The following PARD3B variants were observed in gnomAD, a reference collection of about 807,000 sequenced individuals.
The protein encoded by PARD3B is par-3 family cell polarity regulator beta.
Under a neutral mutation model 130.2 loss-of-function variants are expected in PARD3B, and 103 were observed. The ratio of observed to expected loss-of-function variants is 0.79; its 90% CI spans 0.67 to 0.93. The LOEUF is 0.93. Ranked by LOEUF, PARD3B falls within the 40% of genes least tolerant of loss-of-function variation. The pLI, the probability that PARD3B is intolerant of heterozygous loss-of-function variation, is 0.00. For missense variants in PARD3B, 1,609 were observed against 1,499.2 expected (o/e 1.07, Z -1.21); for synonymous variants, 583 against 553.2 (o/e 1.05, Z -0.76).
chr2:204,721,159 T>A (rs1031102174), intron 2 of PARD3B, among the ~76,000 whole-genome samples: 4 of 152,192 alleles, frequency 2.6e-5, no homozygotes, highest in Non-Finnish European at 5.9e-5. Flanking sequence ...TTGGTTTTAT[T>A]ACCAAAAAGA....
intron 1 of PARD3B, among the ~76,000 whole-genome samples, chr2:204,638,408 T>C (rs1402489111): frequency 6.6e-6 from 1 of 152,200 alleles, no homozygotes; most frequent in Non-Finnish European, 1.5e-5. Context: ...CATGTGCAGT[T>C]AAAGAACTGG....
In PARD3B at chr2:205,176,564, A is replaced by C; in HGVS notation, c.1911A>C (p.Gln637His). ...ILHPLGTCSP[Q>H]DKQKGLLLPN... ...ATCCACTTGGCACTTGCAGTCCACA[A>C]GACAAACAGAAAGGTAAGAGTCTAT... Residue 637 changes from glutamine to histidine, a missense_variant, in exon 13 of 23, where the codon CAA becomes CAC. By Grantham distance (24) the Gln-to-His change is conservative. Coordinates refer to ENST00000406610, the MANE Select transcript of PARD3B (RefSeq NM_001302769.2). The surrounding 1 kb of genome is among the most constrained non-coding windows in gnomAD (Gnocchi z 5.3). 6.2e-7 allele frequency: 1 copy of C among 1,610,008 alleles called. No individual in the cohort carries two copies. Among genetic ancestry groups the C allele is most frequent in the Non-Finnish European group, 8.5e-7 (1 of 1,178,220 alleles).
At chr2:204,635,552 T>G (rs2034846729) in intron 1 of PARD3B, among the ~76,000 whole-genome samples, 1 of 152,156 alleles carries the variant, frequency 6.6e-6, no homozygotes, top group African/African-American at 2.4e-5. Flanking sequence ...TTAAGAGAGG[T>G]AGAGCACTGT....
intron 2 of PARD3B, among the ~76,000 whole-genome samples, chr2:204,730,682 A>G (rs146007922): frequency 5.5e-4 from 84 of 152,282 alleles, no homozygotes; most frequent in African/African-American, 1.7e-3. Flanking sequence ...AAAGGATGCA[A>G]TCGCTGTATT....
chr2:204,631,312 C>T (rs144994528), intron 1 of PARD3B, among the ~76,000 whole-genome samples: 1,884 of 151,410 alleles, frequency 0.012, 42 homozygotes, highest in African/African-American at 0.043. Flanking sequence ...TGCAGTGGCA[C>T]GATCTCAGCT....
intron 18 of PARD3B, among the ~76,000 whole-genome samples, chr2:205,357,827 A>G (rs1347693047): frequency 6.6e-6 from 1 of 152,240 alleles, no homozygotes; most frequent in Non-Finnish European, 1.5e-5. Flanking sequence ...ACTCAATAAC[A>G]TTAAAGCAGA....
At chr2:204,620,272 G>T (rs2034252549) in intron 1 of PARD3B, among the ~76,000 whole-genome samples, 1 of 152,108 alleles carries the variant, frequency 6.6e-6, no homozygotes, top group African/African-American at 2.4e-5. Context: ...CAAAGTGCTG[G>T]AGTTACAGGC....
rs1253061051 is a variant in PARD3B, at chr2:205,407,824, A to G, written c.2741+6701A>G. ...TCCTAAAATTGAAAAAAAAATTTTA[A>G]TAACATGAGTTATATACTCCAAAAT... On this transcript the variant is annotated intron_variant, in intron 19 of 22. Coordinates refer to ENST00000406610, the MANE Select transcript of PARD3B (RefSeq NM_001302769.2). The surrounding 1 kb of genome is among the most constrained non-coding windows in gnomAD (Gnocchi z 4.1). 6.6e-6 allele frequency among the ~76,000 whole-genome samples: 1 copy of G among 152,222 alleles called. No individual in the cohort carries two copies. The highest frequency in any genetic ancestry group is 1.5e-5 in the Non-Finnish European group (1 of 68,042).
At position 204,610,607 on chromosome 2, in the gene PARD3B, G is replaced by T. The variant is rs988580499; in HGVS notation, c.120+64488G>T. On this transcript the variant is annotated intron_variant, in intron 1 of 22. Transcript: ENST00000406610. The surrounding 1 kb of genome is among the most constrained non-coding windows in gnomAD (Gnocchi z 4.1). The stretch of plus-strand genomic sequence containing the variant: ...ACTCCTGACCTCAGGTGATCCACCC[G>T]CATTGGCCTCCCAAAGTGCTGGGAT... Among the ~76,000 whole-genome samples the T allele has an allele frequency of 6.6e-6, 1 of 152,072 alleles. No homozygotes were observed. Among genetic ancestry groups the T allele is most frequent in the East Asian group, 1.9e-4 (1 of 5,172 alleles).
intron 1 of PARD3B, among the ~76,000 whole-genome samples, chr2:204,670,686 A>G (rs1234917472): frequency 6.6e-6 from 1 of 152,068 alleles, no homozygotes; most frequent in Non-Finnish European, 1.5e-5. Flanking sequence ...TCCTAAAATT[A>G]TTGTTAGGCT....
At chr2:205,232,301 A>G (rs6720132) in intron 15 of PARD3B, among the ~76,000 whole-genome samples, 1,816 of 152,200 alleles carry the variant, frequency 0.012, 19 homozygotes, top group African/African-American at 0.041. Context: ...CAGAGTGTAA[A>G]TATTAGCCAA....
chr2:205,096,540 C>A (rs1359663919), intron 4 of PARD3B, among the ~76,000 whole-genome samples: 1 of 152,190 alleles, frequency 6.6e-6, no homozygotes. Flanking sequence ...TGCATAATCT[C>A]TGTGAAAACA....
chr2:205,425,052 A>G (rs1473658101), intron 19 of PARD3B, among the ~76,000 whole-genome samples: 1 of 152,210 alleles, frequency 6.6e-6, no homozygotes, highest in Non-Finnish European at 1.5e-5. Flanking sequence ...GCAGATTCTT[A>G]CAGCTCTTTC....
intron 2 of PARD3B, among the ~76,000 whole-genome samples, chr2:204,840,323 T>A (rs560110006): frequency 6.6e-6 from 1 of 152,278 alleles, no homozygotes; most frequent in East Asian, 1.9e-4. Flanking sequence ...AACTTTTACC[T>A]AATGAAAAAT....
chr2:204,560,860 G>A (rs1314558181), intron 1 of PARD3B, among the ~76,000 whole-genome samples: 1 of 152,080 alleles, frequency 6.6e-6, no homozygotes, highest in Non-Finnish European at 1.5e-5. Context: ...TGCTGTTGGA[G>A]TGGAGGTTAG....
chr2:205,496,790 G>A (rs1473084), intron 20 of PARD3B, among the ~76,000 whole-genome samples: 142,298 of 152,084 alleles, frequency 0.94, 67,286 homozygotes, highest in East Asian at 1. Flanking sequence ...TGTGTTCTTA[G>A]AAAACAGTGC....
In PARD3B at chr2:204,672,830, T is replaced by G. The variant is rs193055710; in HGVS notation, c.121-13351T>G. On this transcript the variant is annotated intron_variant, in intron 1 of 22. Transcript: ENST00000406610. The stretch of plus-strand genomic sequence containing the variant: ...ATTAGCTTCTAGTTTTGAAGAATTA[T>G]GCAGAGTAGTAATAATCACAGGCGC... 3.2e-3 allele frequency among the ~76,000 whole-genome samples: 485 copies of G among 152,334 alleles called. 3 individuals carry two copies. The highest frequency in any genetic ancestry group is 0.011 in the African/African-American group (451 of 41,584).
In PARD3B at chr2:205,300,422, T is replaced by G; in HGVS notation, c.2186-108T>G. 1.9e-6 allele frequency: 2 copies of G among 1,068,554 alleles called. No individual in the cohort carries two copies. The highest frequency in any genetic ancestry group is 4.8e-5 in the East Asian group (2 of 41,698). 66.2% of individuals were successfully genotyped at this position (1,068,554 alleles called of 1,614,324 possible). A position where few individuals can be genotyped will look rare whatever the true frequency, so the allele number is the denominator to read the frequency against. ...GAGTATAACCCCAACTCCCACCCAC[T>G]TAACACCCCTTTTTTGGGATGTCCA... is the stretch of plus-strand genomic sequence containing the variant. On this transcript the variant is annotated intron_variant, in intron 16 of 22. Transcript: ENST00000406610. The surrounding 1 kb of genome is among the most constrained non-coding windows in gnomAD (Gnocchi z 4.1).
chr2:205,388,714 A>G (rs1312094907), intron 18 of PARD3B, among the ~76,000 whole-genome samples: 1 of 152,150 alleles, frequency 6.6e-6, no homozygotes, highest in African/African-American at 2.4e-5. Context: ...TCTATGAAAA[A>G]AAAACTTGTC....
Sources: gnomAD v4.1 joint callset for allele counts (sites outside exome capture counted in the v4.1 genomes callset) on GRCh38, gnomAD v4.1.1 for gene constraint, Gnocchi (gnomAD v3.1) non-coding constraint, MANE v1.5 for transcripts, NCBI Gene and HGNC (gene_info 2026-07-23, HGNC 2026-07-21) for gene names.